Variants in SPAG9 observed in about 807,000 individuals in gnomAD.
SPAG9 encodes the protein sperm associated antigen 9.
Under a neutral mutation model 166.5 loss-of-function variants are expected in SPAG9, and 35 were observed. The ratio of observed to expected loss-of-function variants is 0.21; its 90% CI spans 0.16 to 0.28. The LOEUF is 0.28. Ranked by LOEUF, SPAG9 falls within the 10% of genes least tolerant of loss-of-function variation. SPAG9 has a pLI of 1.00. For synonymous variants in SPAG9, 534 were observed against 565.5 expected, an observed-to-expected ratio of 0.94 and a Z score of 0.79; for missense variants, 1,235 against 1,603.3, an observed-to-expected ratio of 0.77 and a Z score of 3.92.
chr17:51,019,636 T>C (rs867551886), intron 8 of SPAG9, among the ~76,000 whole-genome samples: 31 of 151,898 alleles, frequency 2.0e-4, no homozygotes, highest in South Asian at 1.0e-3. Flanking sequence ...GTGGATCACC[T>C]GAGGTTGGGA....
intron 27 of SPAG9, chr17:50,975,826 G>A: frequency 6.6e-7 from 1 of 1,505,290 alleles, no homozygotes; most frequent in Non-Finnish European, 8.9e-7. Context: ...GCTATTAGAA[G>A]CCAGGAAGAA....
intron 1 of SPAG9, among the ~76,000 whole-genome samples, chr17:51,106,622 C>A (rs1401101644): frequency 2.0e-5 from 3 of 151,916 alleles, no homozygotes; most frequent in Admixed American, 1.3e-4. Flanking sequence ...CATGGTGAAA[C>A]CCTGTCTCTA....
chr17:51,108,817 A>G lies in SPAG9; in HGVS notation c.303+11537T>C, dbSNP rs542812502. Among the ~76,000 whole-genome samples, 4 of 151,900 alleles carry G rather than the reference A, an allele frequency of 2.6e-5. No homozygotes were observed. The South Asian group carries it at 6.3e-4, about 24-fold the overall frequency. The stretch of plus-strand genomic sequence containing the variant: ...TGGTCCATAATAGTTTTTATGTGAT[A>G]ATTTTATTTATTTATTTTTATTTTT... On this transcript the variant is annotated intron_variant, in intron 1 of 29. Coordinates refer to ENST00000262013, the MANE Select transcript of SPAG9 (RefSeq NM_001130528.3).
At chr17:50,999,585 C>A in intron 14 of SPAG9, 76 bp downstream of exon 14, 11 of 1,480,934 alleles carry the variant, frequency 7.4e-6, no homozygotes, top group South Asian at 1.2e-5. Context: ...GACATAAAAT[C>A]ATTCTTGGAA....
At chr17:51,063,829 C>T (rs2047586340) in intron 2 of SPAG9, among the ~76,000 whole-genome samples, 1 of 152,080 alleles carries the variant, frequency 6.6e-6, no homozygotes, top group South Asian at 2.1e-4. Context: ...TTGCAGTGAG[C>T]CAAGATCGTG....
At chr17:51,037,685 A>ATATATATATAGTGTGTGTGTGT in intron 5 of SPAG9, among the ~76,000 whole-genome samples, 8 of 83,508 alleles carry the variant, frequency 9.6e-5, no homozygotes, top group African/African-American at 3.1e-4. Flanking sequence ...ATATATATAT[A>ATATATATATAGTGTGTGTGTGT]GTGTGTGTGT....
chr17:51,003,431 T>G (rs1277893938), intron 12 of SPAG9, among the ~76,000 whole-genome samples: 1 of 152,164 alleles, frequency 6.6e-6, no homozygotes, highest in East Asian at 1.9e-4. Flanking sequence ...TTAGTTCCAT[T>G]TATCTCAAAT....
intron 1 of SPAG9, among the ~76,000 whole-genome samples, chr17:51,082,237 T>C (rs1434983457): frequency 6.6e-6 from 1 of 151,718 alleles, no homozygotes; most frequent in Non-Finnish European, 1.5e-5. Context: ...TAGCCAGGCA[T>C]GGTGGTGCAC....
Position 50,964,721 on chromosome 17 carries a change from A to T in SPAG9, c.*1551T>A, listed in dbSNP as rs1196542668. On this transcript the variant is annotated 3_prime_UTR_variant, in exon 30 of 30. Coordinates refer to ENST00000262013, the MANE Select transcript of SPAG9 (RefSeq NM_001130528.3). ...TTTTAAAAAACTTATTAAGCAAGAAAATCAGTGAAATCCAGACTTTAATCT... is the reference window on the plus strand; with the variant it reads ...TTTTAAAAAACTTATTAAGCAAGAATATCAGTGAAATCCAGACTTTAATCT... 1 of 451,282 alleles carries T rather than the reference A, an allele frequency of 2.2e-6. No homozygotes were observed. 28.0% of individuals were successfully genotyped at this position (451,282 alleles called of 1,614,324 possible).
intron 1 of SPAG9, among the ~76,000 whole-genome samples, chr17:51,108,629 T>G (rs2049020424): frequency 1.3e-5 from 2 of 151,864 alleles, no homozygotes. Flanking sequence ...CTCAAGTAGC[T>G]GGAGCCACAG....
chr17:51,050,493 A>C (rs913888244), intron 3 of SPAG9, among the ~76,000 whole-genome samples: 17 of 152,132 alleles, frequency 1.1e-4, no homozygotes, highest in African/African-American at 4.1e-4. Context: ...CAGTCATCTG[A>C]GTTATTAAGA....
At chr17:51,103,419 A>T (rs2048858802) in intron 1 of SPAG9, among the ~76,000 whole-genome samples, 1 of 152,212 alleles carries the variant, frequency 6.6e-6, no homozygotes, top group Non-Finnish European at 1.5e-5. Flanking sequence ...GAAACCTGAA[A>T]GATAAATAAA....
intron 28 of SPAG9, among the ~76,000 whole-genome samples, chr17:50,972,066 C>T (rs142825585): frequency 6.6e-6 from 1 of 152,122 alleles, no homozygotes; most frequent in Non-Finnish European, 1.5e-5. Context: ...TGTGCCTGGT[C>T]TCTTAAAAAT....
intron 5 of SPAG9, among the ~76,000 whole-genome samples, chr17:51,034,024 T>C (rs1258966012): frequency 1.3e-5 from 2 of 152,224 alleles, no homozygotes; most frequent in Non-Finnish European, 2.9e-5. Context: ...TACAACACAA[T>C]AGAATCTTTA....
intron 9 of SPAG9, among the ~76,000 whole-genome samples, chr17:51,012,399 A>C (rs1597988995): frequency 6.6e-6 from 1 of 151,958 alleles, no homozygotes; most frequent in Non-Finnish European, 1.5e-5. Flanking sequence ...GTAAAACCCC[A>C]TCTCTACTAA....
At chr17:51,037,685 A>ATATATATATATATATATATAGTGTGT in intron 5 of SPAG9, among the ~76,000 whole-genome samples, 12 of 83,476 alleles carry the variant, frequency 1.4e-4, no homozygotes, top group African/African-American at 4.3e-4. Flanking sequence ...ATATATATAT[A>ATATATATATATATATATATAGTGTGT]GTGTGTGTGT....
At chr17:51,091,552 G>C (rs1271945502) in intron 1 of SPAG9, among the ~76,000 whole-genome samples, 1 of 151,954 alleles carries the variant, frequency 6.6e-6, no homozygotes, top group Non-Finnish European at 1.5e-5. Context: ...AAATTCCAGA[G>C]AGTCCCCTCA....
At chr17:51,019,616 G>A (rs370708501) in intron 8 of SPAG9, among the ~76,000 whole-genome samples, 3 of 151,932 alleles carry the variant, frequency 2.0e-5, no homozygotes, top group East Asian at 2.0e-4. Flanking sequence ...ACTTTGGGAG[G>A]CCGAGGCGGG....
chr17:50,988,889 A>C (rs1193353748), intron 21 of SPAG9, among the ~76,000 whole-genome samples: 1 of 152,192 alleles, frequency 6.6e-6, no homozygotes, highest in Non-Finnish European at 1.5e-5. Flanking sequence ...CATGAAAACT[A>C]AATTCAAAAA....
Sources: gnomAD v4.1 joint callset for allele counts (sites outside exome capture counted in the v4.1 genomes callset) on GRCh38, gnomAD v4.1.1 for gene constraint, MANE v1.5 for transcripts, NCBI Gene and HGNC (gene_info 2026-07-23, HGNC 2026-07-21) for gene names.